Variants in MTA3 observed in about 807,000 individuals in gnomAD.
MTA3 encodes the protein metastasis-associated protein MTA3.
MTA3 carries 34 observed loss-of-function variants against 83.5 expected under a neutral mutation model. The ratio of observed to expected loss-of-function variants is 0.41; its 90% CI spans 0.31 to 0.54. The LOEUF (loss-of-function observed/expected upper bound fraction) is 0.54. MTA3 is among the 20% of genes least tolerant of loss of function. The pLI, the probability that MTA3 is intolerant of heterozygous loss-of-function variation, is 0.33. For synonymous variants in MTA3, 303 were observed against 252.7 expected (o/e 1.20, Z -1.89); for missense variants, 761 against 726.4 (o/e 1.05, Z -0.55).
At chr2:42,561,742 G>A (rs1171534116) in intron 2 of MTA3, among the ~76,000 whole-genome samples, 1 of 152,108 alleles carries the variant, frequency 6.6e-6, no homozygotes, top group Non-Finnish European at 1.5e-5. Context: ...ATAAAGTGGT[G>A]AGGGGGTCCC....
intron 3 of MTA3, among the ~76,000 whole-genome samples, chr2:42,594,728 A>ATATATATATAT: frequency 1.7e-4 from 4 of 24,046 alleles, no homozygotes; most frequent in East Asian, 2.4e-3. Flanking sequence ...ATATATATAT[A>ATATATATATAT]TTTTTTTTTT....
chr2:42,647,016 C>T (rs911420907), intron 6 of MTA3, among the ~76,000 whole-genome samples: 4 of 151,006 alleles, frequency 2.6e-5, no homozygotes, highest in South Asian at 2.1e-4. Flanking sequence ...ATTAGCCGGG[C>T]GTGGTGGCGG....
At chr2:42,497,551 C>T (rs2103633125) in intron 2 of MTA3, among the ~76,000 whole-genome samples, 1 of 151,060 alleles carries the variant, frequency 6.6e-6, no homozygotes, top group South Asian at 2.1e-4. Context: ...CTCCACTGCC[C>T]TTGAGCCTGG....
chr2:42,631,290 T>C (rs1264236657), intron 4 of MTA3, among the ~76,000 whole-genome samples: 1 of 152,146 alleles, frequency 6.6e-6, no homozygotes, highest in East Asian at 1.9e-4. Context: ...TGGAGAAAAA[T>C]CCTGTCACAG....
At chr2:42,661,126 T>C (rs1689658507) in intron 8 of MTA3, among the ~76,000 whole-genome samples, 1 of 152,254 alleles carries the variant, frequency 6.6e-6, no homozygotes, top group Non-Finnish European at 1.5e-5. Flanking sequence ...ATTAATATTT[T>C]ACCCCAAATT....
chr2:42,593,111 TCACTG>T (rs949630349), intron 3 of MTA3, among the ~76,000 whole-genome samples: 1 of 151,254 alleles, frequency 6.6e-6, no homozygotes, highest in African/African-American at 2.4e-5. Context: ...CGAGATCATG[TCACTG>T]CACTCCAGCC....
intron 16 of MTA3, among the ~76,000 whole-genome samples, chr2:42,728,917 T>A (rs7589449): frequency 0.59 from 89,388 of 151,874 alleles, 28,037 homozygotes; most frequent in African/African-American, 0.82. Context: ...CTCTTCACTT[T>A]GTTGACTGTT....
At chr2:42,541,746 C>T (rs1676524149) in intron 2 of MTA3, among the ~76,000 whole-genome samples, 2 of 152,176 alleles carry the variant, frequency 1.3e-5, no homozygotes, top group South Asian at 4.1e-4. Flanking sequence ...TAGGTTATAG[C>T]TGTCAGTATA....
At chr2:42,711,214 G>A (rs1473009477) in intron 14 of MTA3, among the ~76,000 whole-genome samples, 1 of 152,150 alleles carries the variant, frequency 6.6e-6, no homozygotes, top group Non-Finnish European at 1.5e-5. Flanking sequence ...CAACTCAGTT[G>A]GCTGCTGAGG....
At chr2:42,501,116 G>A (rs745822506) in intron 2 of MTA3, among the ~76,000 whole-genome samples, 2 of 152,086 alleles carry the variant, frequency 1.3e-5, no homozygotes, top group Non-Finnish European at 2.9e-5. Flanking sequence ...GACCTGTATA[G>A]CATCTTAATA....
In MTA3 at chr2:42,607,279, A is replaced by T. The variant is rs1191907889; in HGVS notation, c.191-2179A>T. Among the ~76,000 whole-genome samples the T allele has an allele frequency of 2.6e-5, 4 of 152,186 alleles. No individual in the cohort carries two copies. In the East Asian group the frequency reaches 5.8e-4, roughly 22 times the overall value. On this transcript the variant is annotated intron_variant, in intron 3 of 16. Transcript: ENST00000405094. Reference sequence around the variant, plus strand: ...AGCAAAGCATACTGTGAAGTACCTTAAGCGTATGTGGGTGCTGCTTTGTAG... The same window carrying T: ...AGCAAAGCATACTGTGAAGTACCTTTAGCGTATGTGGGTGCTGCTTTGTAG...
intron 3 of MTA3, among the ~76,000 whole-genome samples, chr2:42,606,393 G>A (rs1369221020): frequency 4.7e-5 from 7 of 150,198 alleles, no homozygotes; most frequent in Non-Finnish European, 8.9e-5. Context: ...CGGGGCGGCC[G>A]GGCAGAGACG....
chr2:42,599,349 C>T (rs775196387), intron 3 of MTA3, among the ~76,000 whole-genome samples: 6 of 152,154 alleles, frequency 3.9e-5, no homozygotes, highest in Non-Finnish European at 8.8e-5. Context: ...AATCCCAGCA[C>T]TTTGGGAGGC....
At chr2:42,507,369 C>T (rs1449711799) in intron 2 of MTA3, among the ~76,000 whole-genome samples, 3 of 151,872 alleles carry the variant, frequency 2.0e-5, no homozygotes, top group East Asian at 1.9e-4. Flanking sequence ...ATGGGGGTCT[C>T]ACTATGTTGC....
chr2:42,684,955 A>G (rs1037794349), intron 9 of MTA3, among the ~76,000 whole-genome samples: 2 of 152,382 alleles, frequency 1.3e-5, no homozygotes, highest in Admixed American at 6.5e-5. Flanking sequence ...GTATAGGAAT[A>G]TTAAAAAGGA....
intron 8 of MTA3, among the ~76,000 whole-genome samples, chr2:42,676,681 A>G (rs899480789): frequency 2.0e-5 from 3 of 152,172 alleles, no homozygotes; most frequent in African/African-American, 7.2e-5. Flanking sequence ...TGGGAGGATC[A>G]TCTGAGCCCA....
At chr2:42,617,195 A>G (rs1318809601) in intron 4 of MTA3, among the ~76,000 whole-genome samples, 3 of 152,218 alleles carry the variant, frequency 2.0e-5, no homozygotes, top group African/African-American at 7.2e-5. Context: ...GGATGGAGAA[A>G]TAGATACTCT....
Position 42,609,540 on chromosome 2 carries a change from CTT to C in MTA3, c.277_278del (p.Leu93ValfsTer5). ...QKHQLKHREL[F>X]LSRQYESLPA... ...AACATCAGTTGAAACATAGGGAACTCTTTTTGTCACGCCAGTATGAATCTCTG... is the reference window on the plus strand; with the variant it reads ...AACATCAGTTGAAACATAGGGAACTCTTTGTCACGCCAGTATGAATCTCTG... On this transcript the variant is annotated frameshift_variant, in exon 4 of 17. Transcript: ENST00000405094. LOFTEE classifies it high-confidence loss of function. The C allele has an allele frequency of 6.2e-7, 1 of 1,613,850 alleles. No individual in the cohort carries two copies. The highest frequency in any genetic ancestry group is 8.5e-7 in the Non-Finnish European group (1 of 1,179,828).
intron 3 of MTA3, among the ~76,000 whole-genome samples, chr2:42,602,542 C>A (rs888675128): frequency 6.6e-6 from 1 of 152,006 alleles, no homozygotes; most frequent in Non-Finnish European, 1.5e-5. Context: ...ATGAGAACTC[C>A]AGTTGGTCTA....
Sources: gnomAD v4.1 joint callset for allele counts (sites outside exome capture counted in the v4.1 genomes callset) on GRCh38, gnomAD v4.1.1 for gene constraint, MANE v1.5 for transcripts, NCBI Gene and HGNC (gene_info 2026-07-23, HGNC 2026-07-21) for gene names.